The following PRKD1 variants were observed in gnomAD, a reference collection of about 807,000 sequenced individuals.
PRKD1 encodes serine/threonine-protein kinase D1.
PRKD1 carries 63 observed loss-of-function variants against 95.9 expected under a neutral mutation model. The ratio of observed to expected loss-of-function variants is 0.66; its 90% confidence interval spans 0.54 to 0.81. The LOEUF (loss-of-function observed/expected upper bound fraction) is 0.81, where lower values mean the gene tolerates loss of function less well. Among genes scored for constraint, PRKD1 ranks in the 30% least tolerant of loss-of-function variants. The pLI is 0.00. For missense variants in PRKD1, 1,048 were observed against 1,165.3 expected (o/e 0.90, Z 1.47); for synonymous variants, 425 against 423.1 (o/e 1.00, Z -0.05).
At chr14:29,832,617 C>T (rs1051767031) in intron 1 of PRKD1, among the ~76,000 whole-genome samples, 2 of 151,892 alleles carry the variant, frequency 1.3e-5, no homozygotes, top group African/African-American at 4.8e-5. Flanking sequence ...TAAATGGACA[C>T]CCTTATTTGT....
intron 10 of PRKD1, among the ~76,000 whole-genome samples, chr14:29,630,019 T>TCTG (rs1418075369): frequency 5.9e-5 from 7 of 119,522 alleles, no homozygotes; most frequent in Admixed American, 3.3e-4. Flanking sequence ...TCCTTCTTCT[T>TCTG]CTGCTTCTTC....
chr14:29,798,068 A>C (rs1227665658), intron 1 of PRKD1, among the ~76,000 whole-genome samples: 1 of 152,234 alleles, frequency 6.6e-6, no homozygotes, highest in Non-Finnish European at 1.5e-5. Flanking sequence ...TTTAAATATA[A>C]AGGATTGGCC....
At chr14:29,882,701 T>C (rs1413991808) in intron 1 of PRKD1, among the ~76,000 whole-genome samples, 9 of 152,248 alleles carry the variant, frequency 5.9e-5, no homozygotes, top group Non-Finnish European at 4.4e-5. Flanking sequence ...TCTGTTTCTC[T>C]ATATTTGACT....
intron 1 of PRKD1, among the ~76,000 whole-genome samples, chr14:29,821,333 T>C (rs956757560): frequency 1.3e-5 from 2 of 152,168 alleles, no homozygotes; most frequent in Non-Finnish European, 2.9e-5. Context: ...AATTCCGTGG[T>C]AACTCAGAGT....
At chr14:29,833,004 G>C (rs1278580763) in intron 1 of PRKD1, among the ~76,000 whole-genome samples, 1 of 151,840 alleles carries the variant, frequency 6.6e-6, no homozygotes, top group Non-Finnish European at 1.5e-5. Flanking sequence ...CTATCTTTAA[G>C]CTCCCTGCGA....
chr14:29,884,848 C>T (rs945731253), intron 1 of PRKD1, among the ~76,000 whole-genome samples: 2 of 152,168 alleles, frequency 1.3e-5, no homozygotes, highest in African/African-American at 2.4e-5. Flanking sequence ...GTAGGCTGGG[C>T]GCAGTGGCTC....
intron 1 of PRKD1, among the ~76,000 whole-genome samples, chr14:29,880,072 T>C (rs1156557769): frequency 6.6e-6 from 1 of 152,192 alleles, no homozygotes; most frequent in Non-Finnish European, 1.5e-5. Flanking sequence ...AAATTCAAAA[T>C]GGCTGCAGAA....
At chr14:29,661,081 A>G (rs932066357) in intron 4 of PRKD1, among the ~76,000 whole-genome samples, 3 of 152,224 alleles carry the variant, frequency 2.0e-5, no homozygotes, top group Non-Finnish European at 2.9e-5. Flanking sequence ...TATTTTTTCT[A>G]TCTTAACATT....
chr14:29,608,163 T>C (rs1455929845), intron 13 of PRKD1, among the ~76,000 whole-genome samples: 1 of 152,212 alleles, frequency 6.6e-6, no homozygotes, highest in African/African-American at 2.4e-5. Context: ...TTTCACACCT[T>C]GCTTTTTTTC....
At chr14:29,924,491 T>C (rs1018640461) in intron 1 of PRKD1, among the ~76,000 whole-genome samples, 4 of 152,202 alleles carry the variant, frequency 2.6e-5, no homozygotes, top group Non-Finnish European at 5.9e-5. Context: ...TTACTGAAAC[T>C]GTCAGCTAAT....
At chr14:29,868,483 C>T (rs1412696514) in intron 1 of PRKD1, among the ~76,000 whole-genome samples, 7 of 152,142 alleles carry the variant, frequency 4.6e-5, no homozygotes, top group African/African-American at 1.7e-4. Context: ...TAGCCTTATG[C>T]TGTAAAGAAG....
chr14:29,829,146 T>C (rs1426402787), intron 1 of PRKD1, among the ~76,000 whole-genome samples: 1 of 152,110 alleles, frequency 6.6e-6, no homozygotes, highest in African/African-American at 2.4e-5. Context: ...TGAAGAAAAC[T>C]TTGGATGAGT....
At chr14:29,810,589 C>G (rs1042981793) in intron 1 of PRKD1, among the ~76,000 whole-genome samples, 2 of 152,110 alleles carry the variant, frequency 1.3e-5, no homozygotes, top group African/African-American at 4.8e-5. Flanking sequence ...CATTTTAGGC[C>G]TATTTAGGAT....
chr14:29,843,939 T>C (rs1446920157), intron 1 of PRKD1, among the ~76,000 whole-genome samples: 2 of 152,222 alleles, frequency 1.3e-5, no homozygotes, highest in Non-Finnish European at 2.9e-5. Context: ...CATGTCAACC[T>C]TGGATCCAGT....
At chr14:29,899,170 AT>A (rs1894232907) in intron 1 of PRKD1, among the ~76,000 whole-genome samples, 1 of 152,210 alleles carries the variant, frequency 6.6e-6, no homozygotes, top group Non-Finnish European at 1.5e-5. Context: ...TAAATACAGT[AT>A]TTTAACTACA....
chr14:29,728,114 A>G (rs1254333024), intron 1 of PRKD1, among the ~76,000 whole-genome samples: 1 of 152,128 alleles, frequency 6.6e-6, no homozygotes, highest in African/African-American at 2.4e-5. Context: ...TACATATGTA[A>G]CTAACCTTCA....
At chr14:29,706,369 T>A (rs1051261115) in intron 2 of PRKD1, among the ~76,000 whole-genome samples, 1 of 152,122 alleles carries the variant, frequency 6.6e-6, no homozygotes, top group Non-Finnish European at 1.5e-5. Flanking sequence ...CTGATGAGTG[T>A]TTTCCAGGAA....
chr14:29,642,962 A>C (rs1880887942), intron 4 of PRKD1, among the ~76,000 whole-genome samples: 1 of 151,890 alleles, frequency 6.6e-6, no homozygotes, highest in Admixed American at 6.6e-5. Flanking sequence ...TGCTTTGGAA[A>C]GTCTGTTTTG....
At chr14:29,761,342 A>G (rs1046716979) in intron 1 of PRKD1, among the ~76,000 whole-genome samples, 1 of 152,246 alleles carries the variant, frequency 6.6e-6, no homozygotes, top group Non-Finnish European at 1.5e-5. Context: ...GCCCAAATTC[A>G]TAAGTAACTT....
Sources: allele counts gnomAD v4.1 joint callset (sites outside exome capture counted in the v4.1 genomes callset), GRCh38; gene constraint gnomAD v4.1.1; transcripts MANE v1.5; gene names NCBI Gene and HGNC (gene_info 2026-07-23, HGNC 2026-07-21).